Variants in CCDC171 observed in about 807,000 individuals in gnomAD.
CCDC171 encodes coiled-coil domain containing 171.
Under a neutral mutation model 168.2 loss-of-function variants are expected in CCDC171, and 177 were observed. The observed-to-expected ratio is 1.05, with a 90% CI of 0.93 to 1.19. The LOEUF (loss-of-function observed/expected upper bound fraction) is 1.19. Ranked by LOEUF, CCDC171 falls within the 50% of genes most tolerant of loss-of-function variation. CCDC171 has a pLI of 0.00. For missense variants in CCDC171, 1,991 were observed against 1,539.0 expected, an observed-to-expected ratio of 1.29 and a Z score of -4.91; for synonymous variants, 687 against 540.8, an observed-to-expected ratio of 1.27 and a Z score of -3.75.
At chr9:16,017,620 G>T (rs957239356) in intron 3 of CCDC171, among the ~76,000 whole-genome samples, 3 of 152,016 alleles carry the variant, frequency 2.0e-5, no homozygotes, top group Non-Finnish European at 2.9e-5. Context: ...TTTTCAACTT[G>T]CAGTGTAGAG....
At chr9:15,674,990 A>G (rs2049414864) in intron 9 of CCDC171, among the ~76,000 whole-genome samples, 1 of 151,962 alleles carries the variant, frequency 6.6e-6, no homozygotes, top group Non-Finnish European at 1.5e-5. Flanking sequence ...ATTGTATGGG[A>G]GTCTAAGTCT....
intron 5 of CCDC171, among the ~76,000 whole-genome samples, chr9:15,592,051 T>A (rs1208801470): frequency 1.3e-5 from 2 of 152,148 alleles, no homozygotes; most frequent in Non-Finnish European, 2.9e-5. Context: ...GTTCTCTTTT[T>A]ACTCCCTAAA....
At chr9:15,659,229 G>C (rs1488994195) in intron 8 of CCDC171, among the ~76,000 whole-genome samples, 6 of 152,168 alleles carry the variant, frequency 3.9e-5, no homozygotes, top group Non-Finnish European at 5.9e-5. Flanking sequence ...TCAAGCAACT[G>C]CCGGTAGCTT....
At chr9:15,665,871 G>C (rs1013803931) in intron 8 of CCDC171, among the ~76,000 whole-genome samples, 26 of 152,186 alleles carry the variant, frequency 1.7e-4, no homozygotes, top group African/African-American at 6.0e-4. Context: ...TGAAAATTTA[G>C]ATTGAGTTGT....
intron 6 of CCDC171, among the ~76,000 whole-genome samples, chr9:15,604,296 T>C (rs2043069945): frequency 6.6e-6 from 1 of 152,194 alleles, no homozygotes. Context: ...TGCAATTGCT[T>C]ATGGTGAGTT....
Position 16,023,266 on chromosome 9 carries a change from A to T in CCDC171, n.998+358A>T, listed in dbSNP as rs535518864. On this transcript the variant is annotated intron_variant and non_coding_transcript_variant, in intron 6 of 9. Coordinates refer to the CCDC171 transcript ENST00000486641. ...AAAACGTAATCTCTGTGACTCAAAT[A>T]GATTGATTTATTTATGTTTCTGAAA... Among the ~76,000 whole-genome samples the T allele has an allele frequency of 1.7e-4, 26 of 152,290 alleles. 3 individuals are homozygous for T. Among genetic ancestry groups the T allele is most frequent in the African/African-American group, 6.0e-4 (25 of 41,558 alleles).
intron 25 of CCDC171, among the ~76,000 whole-genome samples, chr9:15,959,562 C>T (rs1044722390): frequency 2.6e-5 from 4 of 152,002 alleles, no homozygotes; most frequent in African/African-American, 9.7e-5. Flanking sequence ...TAGCAAAGAG[C>T]TTTGAAACCT....
chr9:15,646,122 C>T (rs913654229), intron 7 of CCDC171, among the ~76,000 whole-genome samples: 1 of 152,104 alleles, frequency 6.6e-6, no homozygotes, highest in African/African-American at 2.4e-5. Context: ...AATTTTCAAC[C>T]CAGAATTTCT....
At chr9:16,028,523 T>C (rs1461234978) in intron 6 of CCDC171, among the ~76,000 whole-genome samples, 1 of 152,212 alleles carries the variant, frequency 6.6e-6, no homozygotes, top group Non-Finnish European at 1.5e-5. Flanking sequence ...CTAAATATTA[T>C]TTGTTGTTTA....
downstream of CCDC171, among the ~76,000 whole-genome samples, chr9:15,977,276 C>T (rs182890758): frequency 6.6e-5 from 10 of 152,280 alleles, no homozygotes; most frequent in Admixed American, 6.5e-4. Context: ...AAATCAGAAT[C>T]TAAAGGTCTC....
intron 25 of CCDC171, among the ~76,000 whole-genome samples, chr9:15,925,195 G>T (rs1825758290): frequency 6.6e-6 from 1 of 151,580 alleles, no homozygotes; most frequent in Non-Finnish European, 1.5e-5. Context: ...GAAAGAACTT[G>T]ACCGATTATG....
chr9:15,615,080 T>G (rs1204266273), intron 6 of CCDC171, among the ~76,000 whole-genome samples: 1 of 152,162 alleles, frequency 6.6e-6, no homozygotes, highest in East Asian at 1.9e-4. Context: ...AAAAGATAAT[T>G]ATAGCTAATC....
chr9:15,588,997 A>G (rs1435574771), intron 4 of CCDC171, among the ~76,000 whole-genome samples: 8 of 149,938 alleles, frequency 5.3e-5, no homozygotes, highest in African/African-American at 2.0e-4. Context: ...GGCGTGAGCC[A>G]CCGCACCCAG....
chr9:16,100,318 TC>T, the CCDC171 span, among the ~76,000 whole-genome samples: 1 of 152,182 alleles, frequency 6.6e-6, no homozygotes, highest in African/African-American at 2.4e-5. Context: ...ATTGATTTCA[TC>T]CGAGTAAAAA....
At chr9:16,099,552 C>T in the CCDC171 span, among the ~76,000 whole-genome samples, 1 of 152,194 alleles carries the variant, frequency 6.6e-6, no homozygotes, top group Non-Finnish European at 1.5e-5. Flanking sequence ...AAGAAAAATG[C>T]CATGAGCTTC....
intron 24 of CCDC171, among the ~76,000 whole-genome samples, chr9:15,912,072 C>T (rs1823741718): frequency 6.6e-6 from 1 of 152,164 alleles, no homozygotes; most frequent in Non-Finnish European, 1.5e-5. Flanking sequence ...TAGTGTTTTT[C>T]TAACTCTGTG....
At position 15,888,683 on chromosome 9, in the gene CCDC171, C is replaced by T. The variant is rs370072112; in HGVS notation, c.3600+14020C>T. Among the ~76,000 whole-genome samples the T allele has an allele frequency of 2.6e-5, 4 of 152,186 alleles. 1 individual carries two copies. The highest frequency in any genetic ancestry group is 1.3e-4 in the Admixed American group (2 of 15,286). Reference sequence around the variant, plus strand: ...CTCTAGTAAAATATGACCCTATAGACTTAAGCATATATTGCAACAACTCCG... The same window carrying T: ...CTCTAGTAAAATATGACCCTATAGATTTAAGCATATATTGCAACAACTCCG... On this transcript the variant is annotated intron_variant, in intron 24 of 25. Transcript: ENST00000380701.
chr9:15,833,516 A>G (rs369100362), intron 21 of CCDC171, among the ~76,000 whole-genome samples: 96 of 152,270 alleles, frequency 6.3e-4, no homozygotes, highest in African/African-American at 2.2e-3. Flanking sequence ...TCTTTAAATA[A>G]TTTTCTCTGT....
At position 15,716,518 on chromosome 9, in the gene CCDC171, T is replaced by C. The variant is rs13292433; in HGVS notation, c.1319-5251T>C. Among the ~76,000 whole-genome samples the C allele has an allele frequency of 3.5e-3, 538 of 152,274 alleles. 1 individual carries two copies. Among genetic ancestry groups the C allele is most frequent in the Non-Finnish European group, 5.9e-3 (399 of 68,026 alleles). On this transcript the variant is annotated intron_variant, in intron 11 of 25. Transcript: ENST00000380701. ...GGGACCAGTAAGTGTTTCTTTTTTA[T>C]AATAAATTTGGGTGGGATATTGTCT...
Sources: allele counts gnomAD v4.1 joint callset (sites outside exome capture counted in the v4.1 genomes callset), GRCh38; gene constraint gnomAD v4.1.1; transcripts MANE v1.5; gene names NCBI Gene and HGNC (gene_info 2026-07-23, HGNC 2026-07-21).